ZNF827: variants seen among roughly 807,000 people sequenced by gnomAD.
ZNF827 encodes the protein zinc finger protein 827.
ZNF827 carries 13 observed loss-of-function variants against 102.4 expected under a neutral mutation model. That is an observed-to-expected ratio of 0.13 (90% CI 0.08 to 0.20). ZNF827 has a LOEUF of 0.20. ZNF827 is among the 10% of genes least tolerant of loss of function. The pLI is 1.00. For synonymous variants in ZNF827, 523 were observed against 536.2 expected (o/e 0.98, Z 0.34); for missense variants, 1,103 against 1,344.4 (o/e 0.82, Z 2.81).
chr4:145,930,722 C>G (rs1449957846), intron 1 of ZNF827, among the ~76,000 whole-genome samples: 1 of 152,150 alleles, frequency 6.6e-6, no homozygotes, highest in Non-Finnish European at 1.5e-5. Context: ...TAGTATAACC[C>G]TAGGTCAGAC....
chr4:145,781,214 A>G lies in ZNF827; in HGVS notation c.2384-1703T>C, dbSNP rs1368424057. Among the ~76,000 whole-genome samples the G allele has an allele frequency of 2.1e-3, 263 of 127,622 alleles. 1 individual carries two copies. The highest frequency in any genetic ancestry group is 0.013 in the Middle Eastern group (3 of 226). 83.7% of individuals were successfully genotyped at this position (127,622 alleles called of 152,430 possible). On this transcript the variant is annotated intron_variant, in intron 8 of 14. Transcript: ENST00000508784. ...CCATCTCAAAAAAAAAAAAAAAAAA[A>G]AAAGAAAAAAAAAGAAAAAAAAAAA...
At position 145,870,313 on chromosome 4, in the gene ZNF827, C is replaced by A; in HGVS notation, c.1913G>T (p.Gly638Val). ...ATCCCGCCTTAGCACACTTCCCTTCCCTTCCTGGGGCTTTAGTGCGTCCTC... is the reference window on the plus strand; with the variant it reads ...ATCCCGCCTTAGCACACTTCCCTTCACTTCCTGGGGCTTTAGTGCGTCCTC... Reference protein sequence around the residue: ...VSEDALKPQEGKGSVLRRDVS... With the variant: ...VSEDALKPQEVKGSVLRRDVS... Residue 638 changes from glycine (G) to valine (V), a missense_variant, in exon 5 of 15, where the codon GGG becomes GTG. Gly to Val is a moderately radical substitution (Grantham distance 109). Around this residue, in one of 5 missense-constraint regions of ZNF827, gnomAD observed 243 missense variants for 251.6 expected, o/e 0.97. Coordinates refer to ENST00000508784, the MANE Select transcript of ZNF827 (RefSeq NM_001306215.2). 1 of 1,614,124 alleles carries A rather than the reference C, an allele frequency of 6.2e-7. No homozygotes were observed. Among genetic ancestry groups the A allele is most frequent in the South Asian group, 1.1e-5 (1 of 91,070 alleles).
intron 1 of ZNF827, among the ~76,000 whole-genome samples, chr4:145,936,149 C>T (rs1332611784): frequency 2.6e-5 from 4 of 152,072 alleles, no homozygotes; most frequent in Non-Finnish European, 4.4e-5. Flanking sequence ...CCCTGACCCC[C>T]TCAGGATTCC....
At position 145,812,089 on chromosome 4, in the gene ZNF827, A is replaced by AT. The variant is rs751575131; in HGVS notation, c.2383+11332dup. 2.5e-3 allele frequency among the ~76,000 whole-genome samples: 326 copies of AT among 132,778 alleles called. 1 individual carries two copies. The highest frequency in any genetic ancestry group is 3.7e-3 in the African/African-American group (135 of 36,008). The allele number at this position is 132,778 out of a possible 152,430, so 87.1% of individuals were successfully genotyped here. On this transcript the variant is annotated intron_variant, in intron 8 of 14. Coordinates refer to ENST00000508784, the MANE Select transcript of ZNF827 (RefSeq NM_001306215.2). ...GCCACTGCACCTGGTTACTTTTTGC[A>AT]TTTTTTTTTTTTTTTTAGTAGAGAC...
intron 7 of ZNF827, among the ~76,000 whole-genome samples, chr4:145,838,080 A>G (rs187461219): frequency 2.0e-3 from 303 of 150,374 alleles, no homozygotes; most frequent in Middle Eastern, 0.014. Flanking sequence ...CCCAAGCCAA[A>G]CCATCACATC....
chr4:145,848,399 G>T (rs1366863441), intron 6 of ZNF827, among the ~76,000 whole-genome samples: 2 of 152,214 alleles, frequency 1.3e-5, no homozygotes, highest in Non-Finnish European at 2.9e-5. Context: ...GCGACAGACA[G>T]ATTTTAGCTT....
chr4:145,857,422 A>G (rs193217978), intron 5 of ZNF827, among the ~76,000 whole-genome samples: 130 of 152,328 alleles, frequency 8.5e-4, no homozygotes, highest in Middle Eastern at 3.4e-3. Context: ...CTTTACTCTT[A>G]CGTAGATTTT....
In ZNF827 at chr4:145,761,260, C is replaced by T. The variant is rs1282924396; in HGVS notation, c.*356G>A. The T allele has an allele frequency of 1.6e-6, 2 of 1,289,876 alleles. No homozygotes were observed. The highest frequency in any genetic ancestry group is 2.5e-5 in the South Asian group (2 of 81,026). The allele number at this position is 1,289,876 out of a possible 1,614,324, so 79.9% of individuals were successfully genotyped here. On this transcript the variant is annotated 3_prime_UTR_variant, in exon 15 of 15. Coordinates refer to ENST00000508784, the MANE Select transcript of ZNF827 (RefSeq NM_001306215.2). The surrounding 1 kb of genome is among the most constrained non-coding windows in gnomAD (Gnocchi z 6.8). ...TGTGGTCTTGAACAGGCACTCTTCG[C>T]AGCTGAAGGTCTGGCGTGGGGCGTG...
At chr4:145,903,466 G>C (rs1215171870) in intron 1 of ZNF827, among the ~76,000 whole-genome samples, 1 of 152,180 alleles carries the variant, frequency 6.6e-6, no homozygotes, top group Non-Finnish European at 1.5e-5. Context: ...GAAGGAAAAA[G>C]AAAAATGGAT....
chr4:145,820,489 T>G (rs1381322740), intron 8 of ZNF827, among the ~76,000 whole-genome samples: 6 of 152,194 alleles, frequency 3.9e-5, no homozygotes, highest in South Asian at 2.1e-4. Flanking sequence ...TAAGAGAAGA[T>G]TTCTAAAGAT....
chr4:145,768,524 G>A (rs1735666396), intron 11 of ZNF827, among the ~76,000 whole-genome samples: 1 of 151,990 alleles, frequency 6.6e-6, no homozygotes, highest in Non-Finnish European at 1.5e-5. Context: ...CCTGGTTCAA[G>A]AGACTTAAGA....
At chr4:145,856,467 C>T (rs1330029088) in intron 5 of ZNF827, among the ~76,000 whole-genome samples, 3 of 152,168 alleles carry the variant, frequency 2.0e-5, no homozygotes, top group East Asian at 1.9e-4. Flanking sequence ...ATGGGTGCTG[C>T]CACACCCCAG....
chr4:145,813,938 G>C (rs999457049), intron 8 of ZNF827, among the ~76,000 whole-genome samples: 1 of 152,184 alleles, frequency 6.6e-6, no homozygotes, highest in Non-Finnish European at 1.5e-5. Context: ...AGAAGGACAT[G>C]GTAACTGAAT....
In ZNF827 at chr4:145,762,167, CTG is replaced by C. The variant is rs1242766387; in HGVS notation, c.*18-571_*18-570del. On this transcript the variant is annotated intron_variant, in intron 14 of 14. Coordinates refer to ENST00000508784, the MANE Select transcript of ZNF827 (RefSeq NM_001306215.2). The surrounding 1 kb of genome is among the most constrained non-coding windows in gnomAD (Gnocchi z 4.9). ...TAAGGGTTTGTTAGGATGAGAAGGC[CTG>C]TGTGTGTCTCTCTGTGTGAGTGTGT... Among the ~76,000 whole-genome samples, 5 of 152,038 alleles carry C rather than the reference CTG, an allele frequency of 3.3e-5. No homozygotes were observed. The highest frequency in any genetic ancestry group is 3.3e-4 in the Admixed American group (5 of 15,270).
chr4:145,827,085 A>G (rs1743760887), intron 7 of ZNF827, among the ~76,000 whole-genome samples: 1 of 152,184 alleles, frequency 6.6e-6, no homozygotes, highest in African/African-American at 2.4e-5. Context: ...CTGTGTGGAT[A>G]AGGAGGGACT....
At chr4:145,833,948 C>T (rs1398289581) in intron 7 of ZNF827, among the ~76,000 whole-genome samples, 2 of 151,974 alleles carry the variant, frequency 1.3e-5, no homozygotes, top group Non-Finnish European at 2.9e-5. Flanking sequence ...AACCCCTTCC[C>T]TCCATTTCTC....
chr4:145,924,043 C>T (rs996195011), intron 1 of ZNF827, among the ~76,000 whole-genome samples: 4 of 152,212 alleles, frequency 2.6e-5, no homozygotes, highest in African/African-American at 4.8e-5. Context: ...TATGTTTCTA[C>T]AGTGAAATAC....
At chr4:145,766,603 A>C in intron 11 of ZNF827, among the ~76,000 whole-genome samples, 1 of 152,296 alleles carries the variant, frequency 6.6e-6, no homozygotes, top group African/African-American at 2.4e-5. Flanking sequence ...AGTATCAGAG[A>C]GGAAGGGGCA....
At chr4:145,849,625 G>A (rs369145033) in intron 5 of ZNF827, 64 bp from the exon 6 acceptor site, 15 of 1,598,058 alleles carry the variant, frequency 9.4e-6, no homozygotes, top group East Asian at 2.2e-5. Context: ...GCTAGACCCA[G>A]TTTCTAATCA....
Sources: allele counts gnomAD v4.1 joint callset (sites outside exome capture counted in the v4.1 genomes callset), GRCh38; gene constraint gnomAD v4.1.1; regional missense constraint gnomAD v4.1.1; non-coding constraint Gnocchi (gnomAD v3.1); transcripts MANE v1.5; gene names NCBI Gene and HGNC (gene_info 2026-07-23, HGNC 2026-07-21).